The following PID1 variants were observed in gnomAD, a reference collection of about 807,000 sequenced individuals.
The protein encoded by PID1 is PTB-containing, cubilin and LRP1-interacting protein.
Under a neutral mutation model 19.1 loss-of-function variants are expected in PID1, and 10 were observed. The ratio of observed to expected loss-of-function variants is 0.52; its 90% CI spans 0.32 to 0.89. The LOEUF is 0.89. Among genes scored for constraint, PID1 ranks in the 40% least tolerant of loss-of-function variants. The pLI, the probability that PID1 is intolerant of heterozygous loss-of-function variation, is 0.03. For missense variants in PID1, 248 were observed against 285.3 expected, an observed-to-expected ratio of 0.87 and a Z score of 0.94; for synonymous variants, 130 against 116.0, an observed-to-expected ratio of 1.12 and a Z score of -0.78.
chr2:229,173,222 G>A (rs1330607371), intron 1 of PID1, among the ~76,000 whole-genome samples: 1 of 152,148 alleles, frequency 6.6e-6, no homozygotes, highest in East Asian at 1.9e-4. Context: ...CAACCTACAT[G>A]GGTAGGACCT....
intron 2 of PID1, among the ~76,000 whole-genome samples, chr2:229,110,528 T>G (rs1256392289): frequency 6.6e-6 from 1 of 152,128 alleles, no homozygotes; most frequent in Non-Finnish European, 1.5e-5. Flanking sequence ...GGGCCGAGAT[T>G]GCATGCTGAA....
intron 1 of PID1, among the ~76,000 whole-genome samples, chr2:229,264,673 T>C (rs529088850): frequency 6.6e-6 from 1 of 152,332 alleles, no homozygotes; most frequent in South Asian, 2.1e-4. Context: ...AACATACTGG[T>C]TCTGGCTTAT....
intron 1 of PID1, among the ~76,000 whole-genome samples, chr2:229,231,144 C>A (rs931678305): frequency 6.6e-6 from 1 of 152,054 alleles, no homozygotes; most frequent in Non-Finnish European, 1.5e-5. Context: ...TGCTTCAGCC[C>A]GCCTCTGTCC....
chr2:229,042,469 T>C (rs983873938), intron 2 of PID1, among the ~76,000 whole-genome samples: 3 of 152,152 alleles, frequency 2.0e-5, no homozygotes, highest in Non-Finnish European at 4.4e-5. Context: ...AAAAGACCTG[T>C]TTGTGATCAA....
intron 1 of PID1, among the ~76,000 whole-genome samples, chr2:229,163,646 AGAGAGTGTGT>A (rs1690534677): frequency 7.3e-6 from 1 of 136,810 alleles, no homozygotes; most frequent in Non-Finnish European, 1.6e-5. Flanking sequence ...AGGGAGAGAG[AGAGAGTGTGT>A]GTGTGTGTGT....
At chr2:229,185,322 C>T (rs903495212) in intron 1 of PID1, among the ~76,000 whole-genome samples, 2 of 151,942 alleles carry the variant, frequency 1.3e-5, no homozygotes, top group African/African-American at 2.4e-5. Context: ...TCTCTAGATG[C>T]CCTCGCTATA....
intron 2 of PID1, among the ~76,000 whole-genome samples, chr2:229,084,374 T>C (rs1694724469): frequency 6.6e-6 from 1 of 152,208 alleles, no homozygotes; most frequent in African/African-American, 2.4e-5. Flanking sequence ...GATACTTTAA[T>C]TGTTCCTTAT....
At chr2:229,181,808 T>G (rs1690952524) in intron 1 of PID1, among the ~76,000 whole-genome samples, 1 of 152,220 alleles carries the variant, frequency 6.6e-6, no homozygotes, top group Non-Finnish European at 1.5e-5. Context: ...ATCACCAGTA[T>G]GAACAGATTA....
At chr2:229,054,419 T>C (rs1005785382) in intron 2 of PID1, among the ~76,000 whole-genome samples, 2 of 152,078 alleles carry the variant, frequency 1.3e-5, no homozygotes, top group African/African-American at 4.8e-5. Flanking sequence ...TGGGAAGACT[T>C]TACACTAGGT....
intron 1 of PID1, among the ~76,000 whole-genome samples, chr2:229,268,256 G>A (rs1688758088): frequency 1.3e-5 from 2 of 152,274 alleles, no homozygotes; most frequent in South Asian, 4.2e-4. Flanking sequence ...ATCATTTTGT[G>A]GGGACACAGA....
chr2:229,080,861 T>C (rs1470068899), intron 2 of PID1, among the ~76,000 whole-genome samples: 1 of 152,094 alleles, frequency 6.6e-6, no homozygotes, highest in African/African-American at 2.4e-5. Flanking sequence ...ACAAGAACTA[T>C]CATAAAAGAC....
rs552096308 is a variant in PID1, at chr2:229,170,514, T to TA, written c.31-14551dup. Reference sequence around the variant, plus strand: ...TGCCATTTAAATATAGACAACCATTTAAAAATGTGTAAAAACATATATACA... The same window carrying TA: ...TGCCATTTAAATATAGACAACCATTTAAAAAATGTGTAAAAACATATATACA... On this transcript the variant is annotated intron_variant, in intron 1 of 2. Coordinates refer to ENST00000392055, the MANE Select transcript of PID1 (RefSeq NM_001100818.2). Among the ~76,000 whole-genome samples the TA allele has an allele frequency of 5.0e-4, 76 of 152,310 alleles. 1 individual carries two copies. In the South Asian group the frequency reaches 8.1e-3, roughly 16 times the overall value.
chr2:229,170,641 TA>T (rs543158290), intron 1 of PID1, among the ~76,000 whole-genome samples: 70 of 152,150 alleles, frequency 4.6e-4, no homozygotes, highest in Non-Finnish European at 3.4e-4. Context: ...TCTACCAATT[TA>T]AAAAAAATGT....
At chr2:229,087,272 G>A (rs746210222) in intron 2 of PID1, among the ~76,000 whole-genome samples, 1 of 152,062 alleles carries the variant, frequency 6.6e-6, no homozygotes, top group Non-Finnish European at 1.5e-5. Context: ...CAGGTGCTGT[G>A]GAACTCAGCA....
chr2:229,054,952 C>A (rs763369271), intron 2 of PID1, among the ~76,000 whole-genome samples: 1 of 152,082 alleles, frequency 6.6e-6, no homozygotes, highest in African/African-American at 2.4e-5. Context: ...TTAACACAAA[C>A]TAGAAGATAA....
chr2:229,158,948 G>T lies in PID1; in HGVS notation c.31-2984C>A, dbSNP rs189221884. ...AGGCTGTGAAGGGTAGGGGGGAGCT[G>T]TGGGGGAAGGCAGGGATGGTTAATG... On this transcript the variant is annotated intron_variant, in intron 1 of 2. Transcript: ENST00000392055. Among the ~76,000 whole-genome samples the T allele has an allele frequency of 2.4e-3, 365 of 152,142 alleles. 5 individuals carry two copies. The South Asian group carries it at 0.03, about 13-fold the overall frequency.
At chr2:229,076,785 C>T (rs569948088) in intron 2 of PID1, among the ~76,000 whole-genome samples, 1 of 152,252 alleles carries the variant, frequency 6.6e-6, no homozygotes, top group South Asian at 2.1e-4. Flanking sequence ...TTTCTTTATC[C>T]AGCCTAACAT....
intron 1 of PID1, among the ~76,000 whole-genome samples, chr2:229,223,500 G>A (rs1204423025): frequency 6.6e-6 from 1 of 152,136 alleles, no homozygotes; most frequent in East Asian, 1.9e-4. Flanking sequence ...TTTGCTTTCA[G>A]CTACACTATT....
Position 229,135,182 on chromosome 2 carries a change from C to T in PID1, c.177+20636G>A, listed in dbSNP as rs575641155. Among the ~76,000 whole-genome samples the T allele has an allele frequency of 4.0e-4, 52 of 130,614 alleles. 2 individuals are homozygous for T. The East Asian group carries it at 5.3e-3, about 13-fold the overall frequency. The allele number at this position is 130,614 out of a possible 152,430, so 85.7% of individuals were successfully genotyped here. ...TAGAAATGAACTTGACTGGCAAAGC[C>T]TCCACTTGCTTTTCTCTTGGGTTTT... On this transcript the variant is annotated intron_variant, in intron 2 of 2. Transcript: ENST00000392055.
Sources: gnomAD v4.1 joint callset for allele counts (sites outside exome capture counted in the v4.1 genomes callset) on GRCh38, gnomAD v4.1.1 for gene constraint, MANE v1.5 for transcripts, NCBI Gene and HGNC (gene_info 2026-07-23, HGNC 2026-07-21) for gene names.